The following GABRB1 variants were observed in gnomAD, a reference collection of about 807,000 sequenced individuals.
GABRB1 encodes gamma-aminobutyric acid receptor subunit beta-1.
A neutral mutation model predicts 51.6 loss-of-function variants in GABRB1; 17 were observed. That is an observed-to-expected ratio of 0.33 (90% CI 0.23 to 0.49). GABRB1 has a LOEUF of 0.49. Ranked by LOEUF, GABRB1 falls within the 20% of genes least tolerant of loss-of-function variation. The probability of loss-of-function intolerance (pLI) is 0.99; values close to 1 mark genes in which losing one functional copy is unlikely to be tolerated. For synonymous variants in GABRB1, 247 were observed against 218.9 expected (o/e 1.13, Z -1.14); for missense variants, 410 against 600.6 (o/e 0.68, Z 3.32).
intron 4 of GABRB1, among the ~76,000 whole-genome samples, chr4:47,212,190 A>C (rs999545692): frequency 2.0e-5 from 3 of 152,224 alleles, no homozygotes; most frequent in African/African-American, 7.2e-5. Flanking sequence ...AGATCCTCCA[A>C]GGAGAGATCT....
At chr4:47,078,274 C>T (rs1013697660) in intron 3 of GABRB1, among the ~76,000 whole-genome samples, 10 of 151,792 alleles carry the variant, frequency 6.6e-5, no homozygotes, top group Admixed American at 2.0e-4. Context: ...CATGAGCCAT[C>T]GCGCCCGGCC....
At chr4:47,316,879 T>C (rs1724913691) in intron 4 of GABRB1, among the ~76,000 whole-genome samples, 1 of 151,930 alleles carries the variant, frequency 6.6e-6, no homozygotes, top group Non-Finnish European at 1.5e-5. Context: ...AAAAAATAAA[T>C]TGGTAATGAC....
chr4:47,119,788 G>A (rs1715684466), intron 3 of GABRB1, among the ~76,000 whole-genome samples: 1 of 151,880 alleles, frequency 6.6e-6, no homozygotes, highest in Admixed American at 6.6e-5. Flanking sequence ...GGATTACCAG[G>A]GTGAGCCACT....
intron 5 of GABRB1, among the ~76,000 whole-genome samples, chr4:47,389,385 G>A (rs965429110): frequency 6.6e-6 from 1 of 152,132 alleles, no homozygotes; most frequent in Non-Finnish European, 1.5e-5. Context: ...TTTGCAAGCG[G>A]GCTGCCAGTG....
intron 4 of GABRB1, among the ~76,000 whole-genome samples, chr4:47,193,583 A>G (rs1021452923): frequency 3.3e-5 from 5 of 152,258 alleles, no homozygotes; most frequent in African/African-American, 9.6e-5. Flanking sequence ...GAGAATTAAA[A>G]GAAAATGTAT....
chr4:47,166,077 TC>T (rs1386933367), intron 4 of GABRB1, among the ~76,000 whole-genome samples: 1 of 151,990 alleles, frequency 6.6e-6, no homozygotes, highest in Non-Finnish European at 1.5e-5. Flanking sequence ...CCATCTTATT[TC>T]GCCTAGAAAA....
intron 4 of GABRB1, among the ~76,000 whole-genome samples, chr4:47,300,383 G>C (rs1724211643): frequency 6.6e-6 from 1 of 152,026 alleles, no homozygotes; most frequent in South Asian, 2.1e-4. Flanking sequence ...TTATCTTCAA[G>C]CTGACATATC....
intron 1 of GABRB1, among the ~76,000 whole-genome samples, chr4:47,007,762 A>G (rs894489356): frequency 6.6e-6 from 1 of 151,758 alleles, no homozygotes; most frequent in African/African-American, 2.4e-5. Context: ...CTGGGGCAAG[A>G]GGCCGGATAG....
intron 3 of GABRB1, among the ~76,000 whole-genome samples, chr4:47,143,504 A>G (rs1717020656): frequency 6.6e-6 from 1 of 151,872 alleles, no homozygotes; most frequent in Non-Finnish European, 1.5e-5. Context: ...AGTAAACCAC[A>G]GAGATAAAAG....
intron 3 of GABRB1, among the ~76,000 whole-genome samples, chr4:47,042,035 T>C (rs1725867763): frequency 6.6e-6 from 1 of 152,022 alleles, no homozygotes; most frequent in Non-Finnish European, 1.5e-5. Context: ...ATTATACATA[T>C]AAAGGTCTTC....
chr4:47,186,508 A>C (rs537234564), intron 4 of GABRB1, among the ~76,000 whole-genome samples: 1 of 151,840 alleles, frequency 6.6e-6, no homozygotes, highest in Non-Finnish European at 1.5e-5. Context: ...CAGGGTATCT[A>C]ATGTCTAGTA....
At chr4:47,082,242 T>G (rs1345768128) in intron 3 of GABRB1, among the ~76,000 whole-genome samples, 4 of 151,994 alleles carry the variant, frequency 2.6e-5, no homozygotes, top group Non-Finnish European at 5.9e-5. Flanking sequence ...TAAAAGAAAC[T>G]TTATATCACT....
chr4:47,295,225 T>C (rs1163760312), intron 4 of GABRB1, among the ~76,000 whole-genome samples: 4 of 152,146 alleles, frequency 2.6e-5, no homozygotes, highest in African/African-American at 9.7e-5. Context: ...AGGAATGCAG[T>C]TCCTCACCAG....
intron 3 of GABRB1, among the ~76,000 whole-genome samples, chr4:47,151,539 T>A (rs764644378): frequency 2.0e-5 from 3 of 152,042 alleles, no homozygotes; most frequent in Non-Finnish European, 2.9e-5. Context: ...TACCACATAT[T>A]GGTTACCATT....
At chr4:47,161,183 T>C in intron 3 of GABRB1, 66 bp from the exon 4 acceptor site, 1 of 1,066,916 alleles carries the variant, frequency 9.4e-7, no homozygotes, top group South Asian at 1.5e-5. Flanking sequence ...ATCCTACATG[T>C]TATTAAACCT....
intron 3 of GABRB1, among the ~76,000 whole-genome samples, chr4:47,105,538 T>A (rs769821237): frequency 6.6e-6 from 1 of 152,134 alleles, no homozygotes; most frequent in African/African-American, 2.4e-5. Flanking sequence ...GTTTCACTCA[T>A]GTTATATTCC....
chr4:47,370,175 A>C (rs1306572562), intron 5 of GABRB1, among the ~76,000 whole-genome samples: 1 of 152,222 alleles, frequency 6.6e-6, no homozygotes, highest in African/African-American at 2.4e-5. Context: ...GTTTAAAAAA[A>C]TCTTTCTGCA....
chr4:47,308,232 C>T lies in GABRB1; in HGVS notation c.462-11895C>T, dbSNP rs985834688. Among the ~76,000 whole-genome samples the T allele has an allele frequency of 4.0e-5, 6 of 151,818 alleles. No individual in the cohort carries two copies. In the East Asian group the frequency reaches 7.7e-4, roughly 20 times the overall value. On this transcript the variant is annotated intron_variant, in intron 4 of 8. Coordinates refer to ENST00000295454, the MANE Select transcript of GABRB1 (RefSeq NM_000812.4). The stretch of plus-strand genomic sequence containing the variant: ...AGGCATCTGATATTAAGATTCAATG[C>T]GAAGGAAACAGAATCCTAAGTATGA...
At position 47,161,337 on chromosome 4, in the gene GABRB1, A is replaced by G. The variant is rs370609274; in HGVS notation, c.329A>G (p.Asn110Ser). The G allele has an allele frequency of 3.1e-6, 5 of 1,611,800 alleles. No homozygotes were observed. Among genetic ancestry groups the G allele is most frequent in the Non-Finnish European group, 3.4e-6 (4 of 1,178,372 alleles). Residue 110 changes from asparagine to serine, a missense_variant, in exon 4 of 9, where the codon AAT becomes AGT. Physicochemically the swap from Asn to Ser is conservative, Grantham distance 46. Coordinates refer to ENST00000295454, the MANE Select transcript of GABRB1 (RefSeq NM_000812.4). ...ATCCCACTGAACCTCACCCTAGACA[A>G]TAGGGTAGCTGACCAACTCTGGGTA... ...SGIPLNLTLD[N>S]RVADQLWVPD... is the part of the protein sequence containing the mutation.
Sources: gnomAD v4.1 joint callset for allele counts (sites outside exome capture counted in the v4.1 genomes callset) on GRCh38, gnomAD v4.1.1 for gene constraint, MANE v1.5 for transcripts, NCBI Gene and HGNC (gene_info 2026-07-23, HGNC 2026-07-21) for gene names.